IQSEC1: variants seen among roughly 807,000 people sequenced by gnomAD.
IQSEC1 encodes the protein IQ motif and SEC7 domain-containing protein 1.
In IQSEC1, 31 loss-of-function variants were observed where a neutral mutation model predicts 91.0. That is an observed-to-expected ratio of 0.34 (90% CI 0.26 to 0.46). IQSEC1 has a LOEUF of 0.46. Ranked by LOEUF, IQSEC1 falls within the 20% of genes least tolerant of loss-of-function variation. The pLI is 1.00. For synonymous variants in IQSEC1, 699 were observed against 662.6 expected (o/e 1.05, Z -0.84); for missense variants, 1,388 against 1,575.6 (o/e 0.88, Z 2.02).
intron 2 of IQSEC1, among the ~76,000 whole-genome samples, chr3:13,116,622 C>T (rs551509362): frequency 3.9e-5 from 6 of 152,062 alleles, no homozygotes; most frequent in Non-Finnish European, 7.4e-5. Flanking sequence ...GACTCCCGGC[C>T]GGGCGCAGTG....
intron 1 of IQSEC1, among the ~76,000 whole-genome samples, chr3:13,006,876 G>A (rs1185482933): frequency 6.6e-6 from 1 of 152,236 alleles, no homozygotes; most frequent in East Asian, 1.9e-4. Flanking sequence ...AGATGCCTGG[G>A]GTCTGTGCTC....
At chr3:13,283,174 C>T (rs1468973509) in exon 1 of IQSEC1, among the ~76,000 whole-genome samples, 2 of 145,868 alleles carry the variant, frequency 1.4e-5, no homozygotes, top group African/African-American at 2.5e-5. Flanking sequence ...CGCCGCGCTC[C>T]GCCGCCCGCT....
chr3:13,086,107 C>T (rs1225890250), intron 2 of IQSEC1, among the ~76,000 whole-genome samples: 1 of 152,204 alleles, frequency 6.6e-6, no homozygotes, highest in African/African-American at 2.4e-5. Flanking sequence ...CAGCTGAGGA[C>T]ACAGCAGGCA....
intron 6 of IQSEC1, 81 bp downstream of exon 6, chr3:12,920,349 G>T (rs1184538102): frequency 1.4e-6 from 2 of 1,443,454 alleles, no homozygotes; most frequent in Non-Finnish European, 1.9e-6. Flanking sequence ...GTTGCCTCAC[G>T]CCCCTTACAT....
At position 12,967,302 on chromosome 3, in the gene IQSEC1, C is replaced by A. The variant is rs1231705525; in HGVS notation, c.24-25437G>T. On this transcript the variant is annotated intron_variant, in intron 1 of 13. Transcript: ENST00000613206. The surrounding 1 kb of genome is among the most constrained non-coding windows in gnomAD (Gnocchi z 5.9). ...GGCGCCCGGTCCCGACGGTCACCCG[C>A]ACTCCCGCACAGGCATCCCCACAGC... is the stretch of plus-strand genomic sequence containing the variant. 4 of 1,216,600 alleles carry A rather than the reference C, an allele frequency of 3.3e-6. No homozygotes were observed. The highest frequency in any genetic ancestry group is 5.0e-5 in the Admixed American group (2 of 40,262). The allele number at this position is 1,216,600 out of a possible 1,614,324, so 75.4% of individuals were successfully genotyped here.
intron 1 of IQSEC1, among the ~76,000 whole-genome samples, chr3:13,253,879 A>T (rs948143576): frequency 6.6e-6 from 1 of 152,158 alleles, no homozygotes; most frequent in Non-Finnish European, 1.5e-5. Context: ...GGCCCCCAGA[A>T]GCAGAACCCC....
At chr3:13,124,259 T>C (rs1706474341) in intron 2 of IQSEC1, among the ~76,000 whole-genome samples, 1 of 152,172 alleles carries the variant, frequency 6.6e-6, no homozygotes, top group South Asian at 2.1e-4. Flanking sequence ...GAAATGGTAA[T>C]GGCTGGGGGG....
At position 13,008,307 on chromosome 3, in the gene IQSEC1, C is replaced by T. The variant is rs1202955203; in HGVS notation, c.23+64685G>A. On this transcript the variant is annotated intron_variant, in intron 1 of 13. Transcript: ENST00000613206. The surrounding 1 kb of genome is among the most constrained non-coding windows in gnomAD (Gnocchi z 4.1). ...GAGCCTCAGCTGACCCTCCCTCCAGCAAATGTTTAGAGAATGAGGTAAGCA... is the reference window on the plus strand; with the variant it reads ...GAGCCTCAGCTGACCCTCCCTCCAGTAAATGTTTAGAGAATGAGGTAAGCA... Among the ~76,000 whole-genome samples the T allele has an allele frequency of 6.6e-6, 1 of 151,854 alleles. No individual in the cohort carries two copies. Among genetic ancestry groups the T allele is most frequent in the Non-Finnish European group, 1.5e-5 (1 of 67,722 alleles).
chr3:13,049,444 T>G (rs1704610897), intron 1 of IQSEC1, among the ~76,000 whole-genome samples: 1 of 152,138 alleles, frequency 6.6e-6, no homozygotes, highest in Non-Finnish European at 1.5e-5. Flanking sequence ...TCAGGCTGTG[T>G]TCTTCCCACA....
intron 1 of IQSEC1, among the ~76,000 whole-genome samples, chr3:13,236,428 T>C (rs1694929633): frequency 6.6e-6 from 1 of 152,224 alleles, no homozygotes; most frequent in Admixed American, 6.5e-5. Context: ...GATGTTTCCA[T>C]GGGCCAGGTC....
chr3:12,901,573 G>C (rs1358143977), intron 13 of IQSEC1, 51 bp from the exon 14 acceptor site: 3 of 1,435,172 alleles, frequency 2.1e-6, no homozygotes, highest in Non-Finnish European at 1.9e-6. Flanking sequence ...CAAGCACTTA[G>C]GTCAGAATGA....
chr3:13,231,609 C>A (rs893729018), intron 1 of IQSEC1, among the ~76,000 whole-genome samples: 1 of 152,100 alleles, frequency 6.6e-6, no homozygotes, highest in African/African-American at 2.4e-5. Flanking sequence ...AACATGTGAA[C>A]CTGGGGGACA....
At chr3:13,072,440 G>A (rs2882072) in intron 1 of IQSEC1, among the ~76,000 whole-genome samples, 56 of 152,138 alleles carry the variant, frequency 3.7e-4, no homozygotes, top group South Asian at 2.7e-3. Context: ...TGCTGCTGGC[G>A]TGAGGCCCAG....
At chr3:13,020,207 C>T (rs368574099) in intron 1 of IQSEC1, among the ~76,000 whole-genome samples, 1 of 152,228 alleles carries the variant, frequency 6.6e-6, no homozygotes, top group African/African-American at 2.4e-5. Flanking sequence ...CGCTGCCTGG[C>T]CCAGCTCCCA....
At chr3:12,972,434 C>T (rs1201047840) in intron 1 of IQSEC1, among the ~76,000 whole-genome samples, 1 of 152,210 alleles carries the variant, frequency 6.6e-6, no homozygotes, top group Non-Finnish European at 1.5e-5. Context: ...GGTACTTAAG[C>T]CACCTCTTGG....
intron 1 of IQSEC1, among the ~76,000 whole-genome samples, chr3:13,177,485 C>G (rs969471623): frequency 6.6e-6 from 1 of 152,372 alleles, no homozygotes; most frequent in Admixed American, 6.5e-5. Context: ...AACCTCATCT[C>G]CTTTGTGATG....
rs533127769 is a variant in IQSEC1, at chr3:13,218,493, C to T, written c.273-54360G>A. Among the ~76,000 whole-genome samples the T allele has an allele frequency of 6.4e-4, 97 of 152,304 alleles. 2 individuals carry two copies. In the South Asian group the frequency reaches 8.3e-3, roughly 13 times the overall value. On this transcript the variant is annotated intron_variant, in intron 1 of 15. Coordinates refer to the IQSEC1 transcript ENST00000648114. ...CTCTCCAAGGCAACAGAGTCTTTGG[C>T]GGGAGGTGTGGGAAGCCTGTGGCCG...
At chr3:13,001,540 G>GCAGC (rs2124830928) in intron 1 of IQSEC1, among the ~76,000 whole-genome samples, 2 of 152,308 alleles carry the variant, frequency 1.3e-5, no homozygotes, top group African/African-American at 4.8e-5. Flanking sequence ...TAAAGAAAAG[G>GCAGC]CAGCCACGAA....
chr3:13,200,523 A>G (rs1432708056), intron 1 of IQSEC1, among the ~76,000 whole-genome samples: 2 of 152,222 alleles, frequency 1.3e-5, no homozygotes, highest in Admixed American at 1.3e-4. Flanking sequence ...CCAGGGCTGG[A>G]TCCCTTTCCA....
Sources: allele counts gnomAD v4.1 joint callset (sites outside exome capture counted in the v4.1 genomes callset), GRCh38; gene constraint gnomAD v4.1.1; non-coding constraint Gnocchi (gnomAD v3.1); transcripts MANE v1.5; gene names NCBI Gene and HGNC (gene_info 2026-07-23, HGNC 2026-07-21).